NDUFAF2: variants seen among roughly 807,000 people sequenced by gnomAD.
NDUFAF2 encodes the protein NADH:ubiquinone oxidoreductase complex assembly factor 2, also known as NADH dehydrogenase [ubiquinone] 1 alpha subcomplex assembly factor 2.
A neutral mutation model predicts 22.8 loss-of-function variants in NDUFAF2; 13 were observed. That is an observed-to-expected ratio of 0.57 (90% CI 0.37 to 0.91). The LOEUF (loss-of-function observed/expected upper bound fraction) is 0.91. Among genes scored for constraint, NDUFAF2 ranks in the 40% least tolerant of loss-of-function variants. The probability of loss-of-function intolerance (pLI) is 0.01; values close to 1 mark genes in which losing one functional copy is unlikely to be tolerated. For synonymous variants in NDUFAF2, 53 were observed against 64.2 expected, an observed-to-expected ratio of 0.83 and a Z score of 0.84; for missense variants, 162 against 195.2, an observed-to-expected ratio of 0.83 and a Z score of 1.01.
chr5:61,060,176 G>C (rs528978699), intron 1 of NDUFAF2, among the ~76,000 whole-genome samples: 10 of 152,080 alleles, frequency 6.6e-5, no homozygotes, highest in Admixed American at 6.5e-4. Flanking sequence ...CCTAAACATT[G>C]CTTGGTGAAC....
intron 1 of NDUFAF2, among the ~76,000 whole-genome samples, chr5:61,050,040 A>C (rs549511478): frequency 6.6e-6 from 1 of 152,158 alleles, no homozygotes; most frequent in East Asian, 1.9e-4. Context: ...ATGGACATAC[A>C]AATATCTTTT....
At chr5:61,127,154 G>A (rs543791059) in intron 3 of NDUFAF2, among the ~76,000 whole-genome samples, 29 of 151,890 alleles carry the variant, frequency 1.9e-4, no homozygotes, top group African/African-American at 6.7e-4. Context: ...ATAGCTTACC[G>A]ACCAAAAACA....
chr5:61,028,587 C>A (rs1011315679), intron 1 of NDUFAF2, among the ~76,000 whole-genome samples: 3 of 151,954 alleles, frequency 2.0e-5, no homozygotes, highest in African/African-American at 7.2e-5. Context: ...GTTTATTTAA[C>A]CTTTGATTAA....
chr5:60,966,791 T>C (rs1278958547), intron 1 of NDUFAF2, among the ~76,000 whole-genome samples: 5 of 152,130 alleles, frequency 3.3e-5, no homozygotes, highest in African/African-American at 1.2e-4. Flanking sequence ...GCCTCAGCCT[T>C]GTTCCTTCTG....
At chr5:61,016,191 A>C (rs199847064) in intron 1 of NDUFAF2, among the ~76,000 whole-genome samples, 1 of 51,728 alleles carries the variant, frequency 1.9e-5, no homozygotes, top group African/African-American at 4.6e-5. Context: ...TCTAAAAAAA[A>C]AATATATATA....
chr5:60,982,262 T>C (rs553316427), intron 1 of NDUFAF2, among the ~76,000 whole-genome samples: 3 of 152,170 alleles, frequency 2.0e-5, no homozygotes, highest in African/African-American at 7.2e-5. Context: ...TTTAATGGAC[T>C]TAACAGTTCC....
chr5:61,042,689 TG>T (rs1306019238), intron 1 of NDUFAF2, among the ~76,000 whole-genome samples: 1 of 152,214 alleles, frequency 6.6e-6, no homozygotes, highest in Non-Finnish European at 1.5e-5. Context: ...TTTAAAACTA[TG>T]GTAGTGAATT....
chr5:61,091,979 A>G (rs1255868800), intron 2 of NDUFAF2, among the ~76,000 whole-genome samples: 2 of 151,998 alleles, frequency 1.3e-5, no homozygotes, highest in Non-Finnish European at 2.9e-5. Flanking sequence ...TGTTTGTGTC[A>G]GGTTTGTTGA....
chr5:61,047,277 T>C (rs1327833969), intron 1 of NDUFAF2, among the ~76,000 whole-genome samples: 2 of 152,272 alleles, frequency 1.3e-5, no homozygotes, highest in African/African-American at 2.4e-5. Context: ...AATTTCATCC[T>C]ATGATCATAT....
rs551798681 is a variant in NDUFAF2, at chr5:61,011,969, T to G, written c.128-61156T>G. Among the ~76,000 whole-genome samples the G allele has an allele frequency of 7.9e-5, 12 of 152,308 alleles. No homozygotes were observed. In the South Asian group the frequency reaches 1.9e-3, roughly 24 times the overall value. ...AGCTCCATTAATCTACTCATACTGC[T>G]TTTGATAAGATTACTACTGGTAACC... On this transcript the variant is annotated intron_variant, in intron 1 of 3. Transcript: ENST00000296597.
intron 3 of NDUFAF2, 34 bp from the exon 4 acceptor site, chr5:61,152,670 T>C: frequency 7.1e-7 from 1 of 1,415,822 alleles, no homozygotes; most frequent in Non-Finnish European, 9.4e-7. Flanking sequence ...TAACTAGAAA[T>C]TTAATAATTT....
chr5:60,975,366 C>A (rs1473865022), intron 1 of NDUFAF2, among the ~76,000 whole-genome samples: 1 of 151,662 alleles, frequency 6.6e-6, no homozygotes, highest in East Asian at 1.9e-4. Flanking sequence ...ATTGTATCAG[C>A]TGAAATGGGG....
rs138567559 is a variant in NDUFAF2 at position 60,975,148 on chromosome 5, A to G, written c.127+29766A>G. Among the ~76,000 whole-genome samples the G allele has an allele frequency of 3.2e-3, 483 of 152,092 alleles. 1 individual carries two copies. The highest frequency in any genetic ancestry group is 0.01 in the Middle Eastern group (3 of 294). ...CAGATAATTTGAAGTTTATTTTCCAATTATGTTGAGGGCATGAGTTTTATT... is the reference window on the plus strand; with the variant it reads ...CAGATAATTTGAAGTTTATTTTCCAGTTATGTTGAGGGCATGAGTTTTATT... On this transcript the variant is annotated intron_variant, in intron 1 of 3. Coordinates refer to ENST00000296597, the MANE Select transcript of NDUFAF2 (RefSeq NM_174889.5).
chr5:61,137,987 A>T (rs1740989464), intron 3 of NDUFAF2, among the ~76,000 whole-genome samples: 1 of 152,202 alleles, frequency 6.6e-6, no homozygotes, highest in African/African-American at 2.4e-5. Context: ...CAGTTACTGG[A>T]TGTGGGCTGC....
intron 3 of NDUFAF2, among the ~76,000 whole-genome samples, chr5:61,143,955 TA>T (rs1175016006): frequency 5.5e-5 from 4 of 72,308 alleles, no homozygotes; most frequent in Non-Finnish European, 5.6e-5. Context: ...TGAAATGGCA[TA>T]TTTTTGTGTG....
At chr5:61,107,572 C>T (rs1287080515) in intron 3 of NDUFAF2, among the ~76,000 whole-genome samples, 1 of 151,138 alleles carries the variant, frequency 6.6e-6, no homozygotes, top group African/African-American at 2.5e-5. Flanking sequence ...TTTTGCTATA[C>T]AGAAGCTTTT....
At chr5:61,151,537 G>C (rs1435325969) in intron 3 of NDUFAF2, among the ~76,000 whole-genome samples, 5 of 152,190 alleles carry the variant, frequency 3.3e-5, no homozygotes, top group Non-Finnish European at 4.4e-5. Flanking sequence ...CCAGCACTTT[G>C]GGAGGCTGAG....
intron 1 of NDUFAF2, among the ~76,000 whole-genome samples, chr5:60,951,605 C>T (rs1750549886): frequency 1.3e-5 from 2 of 152,238 alleles, no homozygotes; most frequent in African/African-American, 4.8e-5. Context: ...GATTGATGTG[C>T]TTTCATTTTA....
intron 1 of NDUFAF2, among the ~76,000 whole-genome samples, chr5:61,072,192 C>G (rs996157079): frequency 1.1e-4 from 17 of 152,202 alleles, no homozygotes; most frequent in Non-Finnish European, 1.3e-4. Flanking sequence ...CAATGTGGCT[C>G]TAACAGTAAC....
Sources: allele counts gnomAD v4.1 joint callset (sites outside exome capture counted in the v4.1 genomes callset), GRCh38; gene constraint gnomAD v4.1.1; transcripts MANE v1.5; gene names NCBI Gene and HGNC (gene_info 2026-07-23, HGNC 2026-07-21).